Variants in COL6A5 observed in about 807,000 individuals in gnomAD.
COL6A5 encodes collagen alpha-5(VI) chain.
Under a neutral mutation model 65.6 loss-of-function variants are expected in COL6A5, and 48 were observed. The observed-to-expected ratio is 0.73, with a 90% CI of 0.58 to 0.93. The LOEUF is 0.93. Among genes scored for constraint, COL6A5 ranks in the 40% least tolerant of loss-of-function variants. COL6A5 has a pLI of 0.00. For synonymous variants in COL6A5, 291 were observed against 322.8 expected (o/e 0.90, Z 1.05); for missense variants, 914 against 928.3 (o/e 0.98, Z 0.20).
rs192337195 is a variant in COL6A5 at position 130,349,183 on chromosome 3, C to T, written c.-29+3202C>T. ...CGATTGTCCCAGGTGACACCTCAAACGTTCTCTCTCAAGATGAAATAAGTC... is the reference window on the plus strand; with the variant it reads ...CGATTGTCCCAGGTGACACCTCAAATGTTCTCTCTCAAGATGAAATAAGTC... On this transcript the variant is annotated intron_variant and NMD_transcript_variant, in intron 1 of 41. Coordinates refer to the COL6A5 transcript ENST00000312481. Among the ~76,000 whole-genome samples the T allele has an allele frequency of 2.8e-4, 43 of 152,230 alleles. No individual in the cohort carries two copies. In the Middle Eastern group the frequency reaches 0.01, roughly 36 times the overall value.
intron 1 of COL6A5, among the ~76,000 whole-genome samples, chr3:130,366,389 G>T (rs1935341752): frequency 6.6e-6 from 1 of 152,176 alleles, no homozygotes; most frequent in Admixed American, 6.5e-5. Context: ...GCCTTTCTGA[G>T]AGGCCCACAC....
At chr3:130,388,618 G>C in exon 6 of COL6A5, 1 of 1,549,326 alleles carries the variant, frequency 6.5e-7, no homozygotes, top group Non-Finnish European at 8.7e-7. Flanking sequence ...GTTTCTGGTG[G>C]ACAGTTCTTG....
At chr3:130,472,135 G>A (rs1294650891) in intron 7 of COL6A5, among the ~76,000 whole-genome samples, 1 of 152,022 alleles carries the variant, frequency 6.6e-6, no homozygotes, top group Non-Finnish European at 1.5e-5. Flanking sequence ...TTACAAGCAG[G>A]TATAAATGCT....
intron 13 of COL6A5, among the ~76,000 whole-genome samples, chr3:130,404,392 C>CA (rs1347861222): frequency 6.6e-6 from 1 of 152,168 alleles, no homozygotes; most frequent in African/African-American, 2.4e-5. Flanking sequence ...GGATTGAAAG[C>CA]AAAGACTCTA....
chr3:130,438,463 T>G (rs981596292), intron 1 of COL6A5, among the ~76,000 whole-genome samples: 3 of 152,084 alleles, frequency 2.0e-5, no homozygotes, highest in African/African-American at 7.2e-5. Flanking sequence ...ATAAACTTCC[T>G]TGGTTTACCA....
At chr3:130,422,723 G>C in exon 28 of COL6A5, 1 of 1,528,018 alleles carries the variant, frequency 6.5e-7, no homozygotes, top group South Asian at 1.2e-5. Context: ...TCTTCAGGGT[G>C]ATATTGGTAA....
intron 5 of COL6A5, among the ~76,000 whole-genome samples, chr3:130,460,661 G>T (rs1440149486): frequency 6.6e-6 from 1 of 152,022 alleles, no homozygotes; most frequent in Non-Finnish European, 1.5e-5. Flanking sequence ...GTTGGTGCTG[G>T]TCATGGTAGT....
At chr3:130,396,446 C>T (rs894648620) in intron 8 of COL6A5, among the ~76,000 whole-genome samples, 1 of 152,202 alleles carries the variant, frequency 6.6e-6, no homozygotes, top group African/African-American at 2.4e-5. Flanking sequence ...GGTTCAGCAG[C>T]AACAACCTCC....
At chr3:130,397,446 T>A in intron 8 of COL6A5, 137 bp from the exon 9 acceptor site, 1 of 608,976 alleles carries the variant, frequency 1.6e-6, no homozygotes, top group Non-Finnish European at 2.9e-6. Flanking sequence ...AAGCAGCCAG[T>A]ATCTTCCTTC....
At chr3:130,365,252 C>T (rs1559859629) in intron 1 of COL6A5, among the ~76,000 whole-genome samples, 1 of 151,596 alleles carries the variant, frequency 6.6e-6, no homozygotes, top group Non-Finnish European at 1.5e-5. Flanking sequence ...ACAAAATCAA[C>T]AGATGTCTCC....
intron 4 of COL6A5, among the ~76,000 whole-genome samples, chr3:130,447,682 T>A (rs1709340349): frequency 6.6e-6 from 1 of 152,192 alleles, no homozygotes; most frequent in Non-Finnish European, 1.5e-5. Flanking sequence ...AGTTTCTATA[T>A]TTTTAGTGGC....
intron 20 of COL6A5, among the ~76,000 whole-genome samples, chr3:130,412,326 T>C (rs564475866): frequency 7.9e-5 from 12 of 152,206 alleles, no homozygotes; most frequent in African/African-American, 2.6e-4. Context: ...TTGCCCAAGG[T>C]CACAAGAACT....
chr3:130,379,293 C>T (rs1279910060), intron 3 of COL6A5, 125 bp from the exon 4 acceptor site: 25 of 905,678 alleles, frequency 2.8e-5, no homozygotes, highest in African/African-American at 3.4e-5. Flanking sequence ...TAAAAGAAAA[C>T]GATGCTGTCT....
exon 6 of COL6A5, chr3:130,469,464 T>A: frequency 6.2e-7 from 1 of 1,611,918 alleles, no homozygotes; most frequent in Non-Finnish European, 8.5e-7. Context: ...GTCAAGCCAT[T>A]TGTCCATTTA....
At chr3:130,471,974 G>A (rs1447900194) in intron 7 of COL6A5, 48 bp downstream of exon 40, 2 of 1,496,612 alleles carry the variant, frequency 1.3e-6, no homozygotes, top group Non-Finnish European at 8.9e-7. Context: ...ACCTTTGTTT[G>A]GATTTTCCCC....
chr3:130,367,856 G>A (rs1028226668), intron 1 of COL6A5, among the ~76,000 whole-genome samples: 6 of 152,148 alleles, frequency 3.9e-5, no homozygotes, highest in Non-Finnish European at 8.8e-5. Context: ...TCTTATTTTA[G>A]GTAAGGACTA....
chr3:130,409,210 T>G, intron 17 of COL6A5, 116 bp from the exon 18 acceptor site: 2 of 688,616 alleles, frequency 2.9e-6, no homozygotes, highest in Non-Finnish European at 4.8e-6. Flanking sequence ...AATCTGACTG[T>G]GATAGGACAA....
chr3:130,366,816 A>G (rs569616709), intron 1 of COL6A5, among the ~76,000 whole-genome samples: 1 of 152,218 alleles, frequency 6.6e-6, no homozygotes, highest in Non-Finnish European at 1.5e-5. Flanking sequence ...ATTGAAGTAA[A>G]TGCCATAGAC....
chr3:130,380,002 T>C, exon 4 of COL6A5: 1 of 1,549,952 alleles, frequency 6.5e-7, no homozygotes, highest in South Asian at 1.2e-5. Context: ...GAATGAAATA[T>C]GGTCCCAAAT....
Sources: gnomAD v4.1 joint callset for allele counts (sites outside exome capture counted in the v4.1 genomes callset) on GRCh38, gnomAD v4.1.1 for gene constraint, MANE v1.5 for transcripts, NCBI Gene and HGNC (gene_info 2026-07-23, HGNC 2026-07-21) for gene names.